Variants in SPTB observed in about 807,000 individuals in gnomAD.
SPTB encodes the protein spectrin beta chain, erythrocytic.
In SPTB, 45 loss-of-function variants were observed where a neutral mutation model predicts 256.2. The observed-to-expected ratio is 0.18, with a 90% confidence interval of 0.14 to 0.23. The LOEUF is 0.23. SPTB is among the 10% of genes least tolerant of loss of function. The pLI is 1.00. For synonymous variants in SPTB, 1,231 were observed against 1,243.1 expected (o/e 0.99, Z 0.21); for missense variants, 2,715 against 3,040.4 (o/e 0.89, Z 2.52).
chr14:64,806,948 A>G lies in SPTB; in HGVS notation c.149-1858T>C, dbSNP rs2082995554. ...CCTCTGTGCAAAGTTTCAGCGAGAA[A>G]ACTCCCCTTACCCTTTTGTCAACAG... On this transcript the variant is annotated intron_variant, in intron 2 of 35. Transcript: ENST00000644917. The surrounding 1 kb of genome is among the most constrained non-coding windows in gnomAD (Gnocchi z 4.1). Among the ~76,000 whole-genome samples the G allele has an allele frequency of 6.6e-6, 1 of 152,102 alleles. No individual in the cohort carries two copies. Among genetic ancestry groups the G allele is most frequent in the Admixed American group, 6.5e-5 (1 of 15,272 alleles).
chr14:64,804,179 C>G (rs2082940282), intron 3 of SPTB, among the ~76,000 whole-genome samples: 1 of 152,202 alleles, frequency 6.6e-6, no homozygotes, highest in African/African-American at 2.4e-5. Context: ...TGGGTTCATC[C>G]CTGCCAATCA....
rs146688698 is a variant in SPTB at position 64,753,621 on chromosome 14, C to T, written c.6518G>A (p.Arg2173Gln). Residue 2173 changes from arginine (R) to glutamine (Q), a missense_variant, in exon 33 of 36, where the codon CGG becomes CAG. This residue lies in a region of SPTB where 2,239 missense variants were observed against 2,384.4 expected (regional missense o/e 0.94). Coordinates refer to ENST00000644917, the MANE Select transcript of SPTB (RefSeq NM_001355436.2). ...GDEPATLPAPRDHGQSVQMEG... is the reference protein window; with the variant it reads ...GDEPATLPAPQDHGQSVQMEG... ...CATCTGCACACTCTGCCCATGGTCC[C>T]GCGGGGCCGGCAGCGTTGCGGGCTC... 105 of 1,613,660 alleles carry T rather than the reference C, an allele frequency of 6.5e-5. No individual in the cohort carries two copies. The highest frequency in any genetic ancestry group is 2.3e-4 in the South Asian group (21 of 91,076).
At position 64,792,744 on chromosome 14, in the gene SPTB, G is replaced by A. The variant is rs2082696496; in HGVS notation, c.2666+253C>T. On this transcript the variant is annotated intron_variant, in intron 14 of 35. Coordinates refer to ENST00000644917, the MANE Select transcript of SPTB (RefSeq NM_001355436.2). This position sits in a 1 kb window ranked among gnomAD's most constrained non-coding sequence, Gnocchi z 4.2. ...CATCTGAGCAAAGACTGCTATTGCT[G>A]AAAAGTAATTGAATAACTGGACTAG... is the stretch of plus-strand genomic sequence containing the variant. Among the ~76,000 whole-genome samples, 2 of 152,144 alleles carry A rather than the reference G, an allele frequency of 1.3e-5. No homozygotes were observed. The highest frequency in any genetic ancestry group is 6.5e-5 in the Admixed American group (1 of 15,272).
chr14:64,788,344 G>C (rs967559112), intron 15 of SPTB, among the ~76,000 whole-genome samples: 1 of 152,234 alleles, frequency 6.6e-6, no homozygotes, highest in Admixed American at 6.5e-5. Context: ...ACTGGACAGA[G>C]AGCGCTGTTG....
At chr14:64,864,379 T>C (rs1441716567) in intron 1 of SPTB, among the ~76,000 whole-genome samples, 1 of 151,802 alleles carries the variant, frequency 6.6e-6, no homozygotes, top group Non-Finnish European at 1.5e-5. Context: ...AGCCCAGGAG[T>C]TCAGGGATGC....
At position 64,766,851 on chromosome 14, in the gene SPTB, G is replaced by GT. The variant is rs768636714; in HGVS notation, c.6270-51dup. The GT allele has an allele frequency of 3.7e-6, 6 of 1,601,814 alleles. No homozygotes were observed. In the South Asian group the frequency reaches 6.6e-5, roughly 18 times the overall value. ...AGAAACAAGCACCCCTCTGAGGCCA[G>GT]TGCCTCCTGCGAGGCCTGGCTTTTC... On this transcript the variant is annotated intron_variant, in intron 31 of 35. Coordinates refer to ENST00000644917, the MANE Select transcript of SPTB (RefSeq NM_001355436.2).
At position 64,852,567 on chromosome 14, in the gene SPTB, CA is replaced by C. The variant is rs929455050; in HGVS notation, c.-52+27224del. 2.0e-5 allele frequency among the ~76,000 whole-genome samples: 3 copies of C among 152,086 alleles called. No homozygotes were observed. The highest frequency in any genetic ancestry group is 6.5e-5 in the Admixed American group (1 of 15,270). Reference sequence around the variant, plus strand: ...TAACTGAGACAAGAGACGGTGTGGGCAAGACTCAGGACTTTGGTAGCCAAGA... The same window carrying C: ...TAACTGAGACAAGAGACGGTGTGGGCAGACTCAGGACTTTGGTAGCCAAGA... On this transcript the variant is annotated intron_variant, in intron 1 of 35. Transcript: ENST00000644917. This position sits in a 1 kb window ranked among gnomAD's most constrained non-coding sequence, Gnocchi z 4.2.
In SPTB at chr14:64,873,889, A is replaced by G. The variant is rs1055963397; in HGVS notation, c.-52+5903T>C. Among the ~76,000 whole-genome samples, 1 of 152,214 alleles carries G rather than the reference A, an allele frequency of 6.6e-6. No individual in the cohort carries two copies. The highest frequency in any genetic ancestry group is 2.4e-5 in the African/African-American group (1 of 41,456). On this transcript the variant is annotated intron_variant, in intron 1 of 35. Transcript: ENST00000644917. This position sits in a 1 kb window ranked among gnomAD's most constrained non-coding sequence, Gnocchi z 4.3. ...AGGAATAATCAGATCTTCCCTTCAC[A>G]TGCTCATCATAAGATAAAATAAGAT...
At position 64,773,239 on chromosome 14, in the gene SPTB, T is replaced by G. The variant is rs2082306161; in HGVS notation, c.5159A>C (p.Gln1720Pro). 1.2e-6 allele frequency: 2 copies of G among 1,614,242 alleles called. No individual in the cohort carries two copies. The highest frequency in any genetic ancestry group is 2.7e-5 in the African/African-American group (2 of 75,060). The change falls in exon 25 of 36, where the codon CAA (glutamine) becomes CCA (proline). Residue 1720 changes from glutamine (Q) to proline (P), a missense_variant. By Grantham distance (76) the Gln-to-Pro change is moderately conservative. This residue lies in a region of SPTB where 2,239 missense variants were observed against 2,384.4 expected (regional missense o/e 0.94). Coordinates refer to ENST00000644917, the MANE Select transcript of SPTB (RefSeq NM_001355436.2). ...ELVASSPEMG[Q>P]DFDHVTLLRD... ...ACTCACAGTCACGTGGTCAAAGTCT[T>G]GCCCCATTTCCGGGGAAGAGGCCAC...
At position 64,796,781 on chromosome 14, in the gene SPTB, C is replaced by T. The variant is rs2082778348; in HGVS notation, c.1183-66G>A. The T allele has an allele frequency of 6.3e-7, 1 of 1,595,438 alleles. No individual in the cohort carries two copies. The highest frequency in any genetic ancestry group is 8.6e-7 in the Non-Finnish European group (1 of 1,166,790). On this transcript the variant is annotated intron_variant, in intron 10 of 35. Transcript: ENST00000644917. The surrounding 1 kb of genome is among the most constrained non-coding windows in gnomAD (Gnocchi z 4.1). ...AAATGCCTCACTTTGGGGGCTCCAC[C>T]CCTTTCACCCAACACTGAGTGATTT...
chr14:64,809,308 G>T (rs1398130176), intron 2 of SPTB, among the ~76,000 whole-genome samples: 1 of 150,694 alleles, frequency 6.6e-6, no homozygotes, highest in East Asian at 2.0e-4. Context: ...CAGGGGCTAG[G>T]GAATAGCTAC....
At chr14:64,781,936 C>A (rs575450500) in intron 20 of SPTB, among the ~76,000 whole-genome samples, 2 of 152,090 alleles carry the variant, frequency 1.3e-5, no homozygotes, top group Non-Finnish European at 2.9e-5. Flanking sequence ...GAGCTGGAGG[C>A]CATTATCCTT....
chr14:64,767,359 G>T lies in SPTB; in HGVS notation c.6220-7C>A. 6.2e-7 allele frequency: 1 copy of T among 1,613,990 alleles called. No homozygotes were observed. Reference sequence around the variant, plus strand: ...GGCGTTCTTTCAGCTCAAGCTAGAGGAGGAGAAGGCCCAGGGGTCAGAGCA... The same window carrying T: ...GGCGTTCTTTCAGCTCAAGCTAGAGTAGGAGAAGGCCCAGGGGTCAGAGCA... On this transcript the variant is annotated splice_region_variant and splice_polypyrimidine_tract_variant and intron_variant, in intron 30 of 35. Transcript: ENST00000644917.
At chr14:64,863,570 A>G (rs1375990119) in intron 1 of SPTB, among the ~76,000 whole-genome samples, 1 of 152,190 alleles carries the variant, frequency 6.6e-6, no homozygotes, top group African/African-American at 2.4e-5. Context: ...AGCATATAAC[A>G]GGCAATAACA....
At chr14:64,770,506 T>C (rs2082263481) in intron 27 of SPTB, among the ~76,000 whole-genome samples, 1 of 152,186 alleles carries the variant, frequency 6.6e-6, no homozygotes, top group South Asian at 2.1e-4. Flanking sequence ...TCCTGAGTTT[T>C]GGGGGAAGGG....
intron 20 of SPTB, among the ~76,000 whole-genome samples, chr14:64,781,182 A>G (rs2082464972): frequency 6.6e-6 from 1 of 152,242 alleles, no homozygotes; most frequent in Admixed American, 6.5e-5. Flanking sequence ...TTCATGACAA[A>G]GACACTAAAA....
chr14:64,747,635 C>T lies in SPTB; in HGVS notation c.*1671G>A, dbSNP rs543350534. ...GCACTGGTCAGCACTCAGGGTTCCT[C>T]AGGGGGCCTCATTCTGGATGCCTGC... is the stretch of plus-strand genomic sequence containing the variant. On this transcript the variant is annotated 3_prime_UTR_variant, in exon 36 of 36. Transcript: ENST00000644917. 3 of 152,410 alleles carry T rather than the reference C, an allele frequency of 2.0e-5. No homozygotes were observed. The highest frequency in any genetic ancestry group is 1.3e-4 in the Admixed American group (2 of 15,296). The allele number at this position is 152,410 out of a possible 1,614,324, so 9.4% of individuals were successfully genotyped here.
rs571934863 is a variant in SPTB at position 64,758,886 on chromosome 14, G to A, written c.6346-5093C>T. 2.0e-5 allele frequency among the ~76,000 whole-genome samples: 3 copies of A among 152,018 alleles called. No individual in the cohort carries two copies. Among genetic ancestry groups the A allele is most frequent in the Non-Finnish European group, 4.4e-5 (3 of 67,998 alleles). On this transcript the variant is annotated intron_variant, in intron 32 of 35. Transcript: ENST00000644917. This position sits in a 1 kb window ranked among gnomAD's most constrained non-coding sequence, Gnocchi z 4.6. ...TTCATAAGAGATAAGGAATTTCTCT[G>A]GGGCCTTTTATTTCTAGCCATGCCT...
At chr14:64,776,249 C>A (rs2139518471) in intron 22 of SPTB, among the ~76,000 whole-genome samples, 1 of 152,332 alleles carries the variant, frequency 6.6e-6, no homozygotes, top group African/African-American at 2.4e-5. Flanking sequence ...TGATGGCCAG[C>A]ATTTAAAATA....
Sources: gnomAD v4.1 joint callset for allele counts (sites outside exome capture counted in the v4.1 genomes callset) on GRCh38, gnomAD v4.1.1 for gene constraint, gnomAD v4.1.1 regional missense constraint, Gnocchi (gnomAD v3.1) non-coding constraint, MANE v1.5 for transcripts, NCBI Gene and HGNC (gene_info 2026-07-23, HGNC 2026-07-21) for gene names.